SYMPK: variants seen among roughly 807,000 people sequenced by gnomAD.
The protein encoded by SYMPK is symplekin.
In SYMPK, 49 loss-of-function variants were observed where a neutral mutation model predicts 136.4. That is an observed-to-expected ratio of 0.36 (90% confidence interval 0.29 to 0.46). SYMPK has a LOEUF of 0.46. SYMPK is among the 20% of genes least tolerant of loss of function. SYMPK has a pLI of 1.00. For synonymous variants in SYMPK, 766 were observed against 713.0 expected, an observed-to-expected ratio of 1.07 and a Z score of -1.19; for missense variants, 1,365 against 1,690.0, an observed-to-expected ratio of 0.81 and a Z score of 3.37.
intron 22 of SYMPK, 47 bp from the exon 23 acceptor site, chr19:45,818,193 C>G (rs942729808): frequency 2.7e-6 from 4 of 1,479,100 alleles, no homozygotes; most frequent in Non-Finnish European, 2.7e-6. Flanking sequence ...CCAGCTGCCC[C>G]CTGGGAGGTG....
At chr19:45,819,470 T>G (rs961596651) in intron 22 of SYMPK, 2 of 152,656 alleles carry the variant, frequency 1.3e-5, no homozygotes, top group African/African-American at 4.8e-5. Context: ...AGTCTCCTGC[T>G]GCTGCCGCCT....
At position 45,823,840 on chromosome 19, in the gene SYMPK, G is replaced by C. The variant is rs781373464; in HGVS notation, c.2526C>G (p.Leu842=). 3 of 1,614,112 alleles carry C rather than the reference G, an allele frequency of 1.9e-6. No homozygotes were observed. The highest frequency in any genetic ancestry group is 2.2e-5 in the East Asian group (1 of 44,862). The change falls in exon 19 of 27, where the codon CTC becomes CTG. Residue 842 remains leucine (L), a synonymous_variant. Coordinates refer to ENST00000245934, the MANE Select transcript of SYMPK (RefSeq NM_004819.3). ...RGMGMNSPEL[L]LLVENCPKGA... Reference sequence around the variant, plus strand: ...CCTTGGGACAATTTTCCACCAGCAGGAGCAGCTCCGGGGAGTTCATGCCCA... The same window carrying C: ...CCTTGGGACAATTTTCCACCAGCAGCAGCAGCTCCGGGGAGTTCATGCCCA...
At chr19:45,840,385 C>T (rs117794041) in intron 9 of SYMPK, among the ~76,000 whole-genome samples, 18,794 of 149,960 alleles carry the variant, frequency 0.13, 1,398 homozygotes, top group South Asian at 0.18. Flanking sequence ...AAACCCTGGC[C>T]AGGTGCAGTG....
chr19:45,830,277 C>T (rs1971137609), intron 12 of SYMPK, 73 bp from the exon 13 acceptor site: 1 of 1,512,604 alleles, frequency 6.6e-7, no homozygotes, highest in Non-Finnish European at 9.0e-7. Flanking sequence ...ACTCTCCCAA[C>T]TTCAAGGACT....
intron 10 of SYMPK, 126 bp downstream of exon 10, chr19:45,838,335 C>A (rs1971355524): frequency 8.4e-7 from 1 of 1,191,278 alleles, no homozygotes. Context: ...GCCAATTAAA[C>A]CCCTTTTCTT....
intron 22 of SYMPK, among the ~76,000 whole-genome samples, chr19:45,818,680 G>A (rs1455147625): frequency 2.0e-5 from 3 of 152,180 alleles, no homozygotes; most frequent in Non-Finnish European, 4.4e-5. Flanking sequence ...CAGAGTAATA[G>A]CGAAGGGAGG....
In SYMPK at chr19:45,852,487, G is replaced by A; in HGVS notation, c.220C>T (p.Leu74=). 6.2e-7 allele frequency: 1 copy of A among 1,614,220 alleles called. No homozygotes were observed. The change falls in exon 4 of 27, where the codon CTG becomes TTG. Residue 74 remains leucine, a synonymous_variant. Coordinates refer to ENST00000245934, the MANE Select transcript of SYMPK (RefSeq NM_004819.3). ...CTCTTCTGTCAGTCACTCACATCCAGGAAGTTGTCCAGTAGTGTGGGGTCT... is the reference window on the plus strand; with the variant it reads ...CTCTTCTGTCAGTCACTCACATCCAAGAAGTTGTCCAGTAGTGTGGGGTCT... ...NKDPTLLDNF[L]DEIIAFQADK... is the part of the protein sequence containing the mutation.
rs1255210376 is a variant in SYMPK at position 45,828,992 on chromosome 19, C to T, written c.1963G>A (p.Glu655Lys). 2 of 1,614,054 alleles carry T rather than the reference C, an allele frequency of 1.2e-6. No homozygotes were observed. The highest frequency in any genetic ancestry group is 3.3e-5 in the Admixed American group (2 of 60,000). ...CLIRLLSGLQ[E>K]KPDQKDGIFT... ...CACCCATCCTTCTGGTCTGGTTTCT[C>T]CTGCAGGCCAGACAACAGGCGGATG... The change falls in exon 14 of 27, where the codon GAG (glutamate) becomes AAG (lysine). Residue 655 changes from glutamate to lysine, a missense_variant. Around this residue, in one of 11 missense-constraint regions of SYMPK, gnomAD observed 303 missense variants for 326.6 expected, o/e 0.93. Coordinates refer to ENST00000245934, the MANE Select transcript of SYMPK (RefSeq NM_004819.3).
chr19:45,837,972 C>T (rs1971342989), intron 10 of SYMPK, among the ~76,000 whole-genome samples: 1 of 152,118 alleles, frequency 6.6e-6, no homozygotes, highest in African/African-American at 2.4e-5. Context: ...GTTGCATACC[C>T]AGGCCTGAGG....
At chr19:45,850,507 A>G (rs1971674011) in intron 5 of SYMPK, among the ~76,000 whole-genome samples, 1 of 152,248 alleles carries the variant, frequency 6.6e-6, no homozygotes, top group Non-Finnish European at 1.5e-5. Context: ...GCAAGTGACC[A>G]GCTTGAACAA....
At chr19:45,817,021 C>A (rs369920115) in intron 23 of SYMPK, 47 bp from the exon 24 acceptor site, 109 of 1,527,300 alleles carry the variant, frequency 7.1e-5, no homozygotes, top group Non-Finnish European at 9.1e-5. Flanking sequence ...CACAGGCATC[C>A]CCCCGAGCCT....
chr19:45,836,693 C>T (rs61662358), intron 10 of SYMPK, among the ~76,000 whole-genome samples: 3 of 151,942 alleles, frequency 2.0e-5, no homozygotes, highest in Non-Finnish European at 2.9e-5. Flanking sequence ...GGCTGGAGTG[C>T]AGTGGCGCCA....
At chr19:45,862,905 G>A (rs962551973) in intron 1 of SYMPK, among the ~76,000 whole-genome samples, 153 bp downstream of exon 1, 1 of 152,218 alleles carries the variant, frequency 6.6e-6, no homozygotes, top group African/African-American at 2.4e-5. Flanking sequence ...GGGCACTAGG[G>A]AGCCAAGGAA....
chr19:45,830,216 A>G lies in SYMPK; in HGVS notation c.1599-12T>C, dbSNP rs1207066302. 1 of 1,607,224 alleles carries G rather than the reference A, an allele frequency of 6.2e-7. No homozygotes were observed. On this transcript the variant is annotated splice_polypyrimidine_tract_variant and intron_variant, in intron 12 of 26. Coordinates refer to ENST00000245934, the MANE Select transcript of SYMPK (RefSeq NM_004819.3). ...CAGCGCCTGCCAGCCTGTGTGGAAG[A>G]GCAGTGACAGAGATGCAGTGACCCA...
Position 45,838,459 on chromosome 19 carries a change from A to C in SYMPK, c.1242+2T>G, listed in dbSNP as rs1600513790. ...GGGAAAACGCTCCCCACCCATCCTC[A>C]CCAGATTAGCCACATTATCAGGCGT... On this transcript the variant is annotated splice_donor_variant, in intron 10 of 26. Transcript: ENST00000245934. LOFTEE classifies it high-confidence loss of function. The C allele has an allele frequency of 1.2e-6, 2 of 1,612,606 alleles. No individual in the cohort carries two copies. The highest frequency in any genetic ancestry group is 1.7e-6 in the Non-Finnish European group (2 of 1,178,992).
In SYMPK at chr19:45,818,294, C is replaced by A. The variant is rs1024274887; in HGVS notation, c.2894-148G>T. The A allele has an allele frequency of 7.7e-6, 6 of 782,084 alleles. No individual in the cohort carries two copies. The South Asian group carries it at 1.3e-4, about 17-fold the overall frequency. 48.4% of individuals were successfully genotyped at this position (782,084 alleles called of 1,614,324 possible). A position where few individuals can be genotyped will look rare whatever the true frequency, so the allele number is the denominator to read the frequency against. ...CCCTGCGGGAGAGAGGAGACTCCCC[C>A]GACCCAGCAGAAGGCACACTGCAAG... is the stretch of plus-strand genomic sequence containing the variant. On this transcript the variant is annotated intron_variant, in intron 22 of 26. Coordinates refer to ENST00000245934, the MANE Select transcript of SYMPK (RefSeq NM_004819.3).
chr19:45,839,003 C>T (rs1044307758), intron 9 of SYMPK, among the ~76,000 whole-genome samples: 8 of 152,260 alleles, frequency 5.3e-5, no homozygotes, highest in African/African-American at 1.9e-4. Context: ...TCTCCTGCCT[C>T]AGCCTCCCAA....
At chr19:45,858,961 CAG>C (rs1971896539) in intron 1 of SYMPK, among the ~76,000 whole-genome samples, 1 of 151,960 alleles carries the variant, frequency 6.6e-6, no homozygotes, top group Non-Finnish European at 1.5e-5. Flanking sequence ...TTGGTAGAAG[CAG>C]AGTTTCGCCA....
At chr19:45,840,312 C>CAAAAAAAAAAAAAAA (rs546768442) in intron 9 of SYMPK, among the ~76,000 whole-genome samples, 1 of 57,148 alleles carries the variant, frequency 1.7e-5, no homozygotes, top group African/African-American at 6.1e-5. Context: ...GAGACTGTCT[C>CAAAAAAAAAAAAAAA]AAAAAAAAAA....
Sources: gnomAD v4.1 joint callset for allele counts (sites outside exome capture counted in the v4.1 genomes callset) on GRCh38, gnomAD v4.1.1 for gene constraint, gnomAD v4.1.1 regional missense constraint, MANE v1.5 for transcripts, NCBI Gene and HGNC (gene_info 2026-07-23, HGNC 2026-07-21) for gene names.